Variants in SGCD observed in about 807,000 individuals in gnomAD.
SGCD encodes the protein sarcoglycan delta.
Under a neutral mutation model 36.6 loss-of-function variants are expected in SGCD, and 18 were observed. The ratio of observed to expected loss-of-function variants is 0.49; its 90% CI spans 0.34 to 0.73. SGCD has a LOEUF of 0.73. Ranked by LOEUF, SGCD falls within the 30% of genes least tolerant of loss-of-function variation. The probability of loss-of-function intolerance (pLI) is 0.01; values close to 1 mark genes in which losing one functional copy is unlikely to be tolerated. For missense variants in SGCD, 387 were observed against 346.7 expected (o/e 1.12, Z -0.92); for synonymous variants, 133 against 130.6 (o/e 1.02, Z -0.12).
Position 156,049,498 on chromosome 5 carries a change from A to C in SGCD, c.-281-68380A>C, listed in dbSNP as rs566584623. Among the ~76,000 whole-genome samples the C allele has an allele frequency of 5.3e-3, 779 of 145,904 alleles. 47 individuals are homozygous for C. Among genetic ancestry groups the C allele is most frequent in the African/African-American group, 0.018 (741 of 40,620 alleles). ...CATTTGTTTGTATCCTCTTTTATTT[A>C]ATTGAGCAGTGGTTTGTAGTTCTCC... On this transcript the variant is annotated intron_variant, in intron 1 of 9. Transcript: ENST00000517913.
At chr5:156,588,896 A>T (rs1446295169) in intron 4 of SGCD, among the ~76,000 whole-genome samples, 1 of 151,998 alleles carries the variant, frequency 6.6e-6, no homozygotes, top group Non-Finnish European at 1.5e-5. Flanking sequence ...GTATACCAAG[A>T]CTAATATTTT....
chr5:156,486,769 A>G (rs1360701843), intron 3 of SGCD, among the ~76,000 whole-genome samples: 1 of 151,944 alleles, frequency 6.6e-6, no homozygotes, highest in Non-Finnish European at 1.5e-5. Context: ...GTGCCTCCTG[A>G]AGGATCTGGG....
intron 1 of SGCD, among the ~76,000 whole-genome samples, chr5:155,911,657 A>G (rs1404491096): frequency 6.6e-6 from 1 of 151,850 alleles, no homozygotes; most frequent in Non-Finnish European, 1.5e-5. Context: ...TTTTGAATTC[A>G]TTTGTTTGTG....
chr5:155,752,844 C>G, the SGCD span, among the ~76,000 whole-genome samples: 2 of 152,134 alleles, frequency 1.3e-5, no homozygotes, highest in Non-Finnish European at 2.9e-5. Flanking sequence ...CATTGTGAGG[C>G]AGATGTTATG....
rs1757569916 is a variant in SGCD, at chr5:156,765,374, A to T, written c.*5984A>T. The T allele has an allele frequency of 6.6e-6, 1 of 152,110 alleles. No homozygotes were observed. The highest frequency in any genetic ancestry group is 1.5e-5 in the Non-Finnish European group (1 of 68,010). The allele number at this position is 152,110 out of a possible 1,614,324, so 9.4% of individuals were successfully genotyped here. A position where few individuals can be genotyped will look rare whatever the true frequency, so the allele number is the denominator to read the frequency against. ...CAGTGTTTCTTTAGTTCCCATATTCATCTAATTCATGGGGTTCTAACATTT... is the reference window on the plus strand; with the variant it reads ...CAGTGTTTCTTTAGTTCCCATATTCTTCTAATTCATGGGGTTCTAACATTT... On this transcript the variant is annotated 3_prime_UTR_variant, in exon 9 of 9. Transcript: ENST00000337851.
intron 3 of SGCD, among the ~76,000 whole-genome samples, chr5:156,374,763 G>A (rs1770568756): frequency 6.7e-6 from 1 of 148,474 alleles, no homozygotes; most frequent in South Asian, 2.2e-4. Context: ...CCAGGTTCAC[G>A]CCATTCTCCC....
rs149694313 is a variant in SGCD at position 156,150,929 on chromosome 5, A to G, written c.-44+26910A>G. ...TAGTCATGTGGCCTGAAAGTTAAAAACATCTGTACTTCAAGGGCTCTTAAG... is the reference window on the plus strand; with the variant it reads ...TAGTCATGTGGCCTGAAAGTTAAAAGCATCTGTACTTCAAGGGCTCTTAAG... On this transcript the variant is annotated intron_variant, in intron 3 of 9. Transcript: ENST00000517913. Among the ~76,000 whole-genome samples the G allele has an allele frequency of 8.7e-4, 132 of 151,826 alleles. 3 individuals are homozygous for G. In the Middle Eastern group the frequency reaches 0.017, roughly 20 times the overall value.
intron 7 of SGCD, among the ~76,000 whole-genome samples, chr5:156,737,485 T>A (rs993798126): frequency 6.6e-6 from 1 of 152,232 alleles, no homozygotes; most frequent in Non-Finnish European, 1.5e-5. Flanking sequence ...AAGTGGCTTT[T>A]AAAAAATTAA....
chr5:155,907,803 C>T (rs1756550364), intron 1 of SGCD, among the ~76,000 whole-genome samples: 1 of 152,074 alleles, frequency 6.6e-6, no homozygotes. Context: ...TAGAATGGTA[C>T]AGAAACTTTG....
intron 4 of SGCD, among the ~76,000 whole-genome samples, chr5:156,567,067 A>T (rs1759510604): frequency 6.6e-6 from 1 of 152,168 alleles, no homozygotes; most frequent in African/African-American, 2.4e-5. Context: ...TATACTTCAG[A>T]GCCATTCAGA....
chr5:156,642,813 T>C (rs1425439282), intron 6 of SGCD, among the ~76,000 whole-genome samples: 1 of 152,026 alleles, frequency 6.6e-6, no homozygotes, highest in African/African-American at 2.4e-5. Context: ...AGCGTTTCCA[T>C]AGTCTTTTCT....
intron 6 of SGCD, among the ~76,000 whole-genome samples, chr5:156,604,800 T>TACACATTTTATATGTATAATATAC (rs1264668690): frequency 2.0e-4 from 6 of 29,418 alleles, no homozygotes; most frequent in Non-Finnish European, 4.7e-4. Context: ...GTATAATATA[T>TACACATTTTATATGTATAATATAC]ATAAATTATA....
Position 156,711,877 on chromosome 5 carries a change from C to T in SGCD, c.576-45704C>T, listed in dbSNP as rs536195870. Reference sequence around the variant, plus strand: ...GACAAAAGAATGGCTACTCCATAGACGGAGCAGCCCTGAGGACTGCTGGTT... The same window carrying T: ...GACAAAAGAATGGCTACTCCATAGATGGAGCAGCCCTGAGGACTGCTGGTT... On this transcript the variant is annotated intron_variant, in intron 7 of 8. Coordinates refer to ENST00000337851, the MANE Select transcript of SGCD (RefSeq NM_000337.6). Among the ~76,000 whole-genome samples, 15 of 152,246 alleles carry T rather than the reference C, an allele frequency of 9.9e-5. No homozygotes were observed. In the South Asian group the frequency reaches 1.2e-3, roughly 13 times the overall value.
At chr5:156,344,801 T>TTTTC in intron 3 of SGCD, 124 bp downstream of exon 3, 1 of 671,518 alleles carries the variant, frequency 1.5e-6, no homozygotes. Flanking sequence ...TAACCTCGTG[T>TTTTC]TTTGGTGAAA....
the SGCD span, among the ~76,000 whole-genome samples, chr5:155,728,289 T>TGCCGCTGCC: frequency 6.7e-6 from 1 of 149,730 alleles, no homozygotes; most frequent in Non-Finnish European, 1.5e-5. Context: ...CTGCCGCTGC[T>TGCCGCTGCC]GCCGCTGCCG....
At chr5:156,068,520 C>T (rs1760413345) in intron 1 of SGCD, among the ~76,000 whole-genome samples, 1 of 151,838 alleles carries the variant, frequency 6.6e-6, no homozygotes, top group African/African-American at 2.4e-5. Context: ...TCCAGTCTAT[C>T]ATTGTTGGAC....
intron 1 of SGCD, among the ~76,000 whole-genome samples, chr5:156,070,305 A>T (rs1210697256): frequency 6.6e-6 from 1 of 152,082 alleles, no homozygotes; most frequent in African/African-American, 2.4e-5. Context: ...GATACGTCCC[A>T]TCAATGCCGA....
chr5:156,016,902 T>G (rs2127572267), intron 1 of SGCD, among the ~76,000 whole-genome samples: 1 of 152,322 alleles, frequency 6.6e-6, no homozygotes, highest in East Asian at 1.9e-4. Flanking sequence ...GTTGGAGGTA[T>G]ACATTTGTGT....
chr5:156,090,069 A>T (rs890654776), intron 1 of SGCD, among the ~76,000 whole-genome samples: 11 of 152,144 alleles, frequency 7.2e-5, no homozygotes, highest in Non-Finnish European at 1.6e-4. Flanking sequence ...CTTTGCAGCC[A>T]TATGAGCTGT....
Sources: gnomAD v4.1 joint callset for allele counts (sites outside exome capture counted in the v4.1 genomes callset) on GRCh38, gnomAD v4.1.1 for gene constraint, MANE v1.5 for transcripts, NCBI Gene and HGNC (gene_info 2026-07-23, HGNC 2026-07-21) for gene names.